PNPLA7: variants seen among roughly 807,000 people sequenced by gnomAD.
PNPLA7 encodes patatin-like phospholipase domain-containing protein 7.
In PNPLA7, 153 loss-of-function variants were observed where a neutral mutation model predicts 161.7. That is an observed-to-expected ratio of 0.95 (90% confidence interval 0.83 to 1.08). The LOEUF (loss-of-function observed/expected upper bound fraction) is 1.08. Ranked by LOEUF, PNPLA7 falls within the 50% of genes least tolerant of loss-of-function variation. The probability of loss-of-function intolerance (pLI) is 0.00; values close to 1 mark genes in which losing one functional copy is unlikely to be tolerated. For missense variants in PNPLA7, 1,739 were observed against 1,856.6 expected, an observed-to-expected ratio of 0.94 and a Z score of 1.16; for synonymous variants, 809 against 782.1, an observed-to-expected ratio of 1.03 and a Z score of -0.57.
At chr9:137,464,534 G>A in intron 26 of PNPLA7, 78 bp from the exon 27 acceptor site, 1 of 1,312,728 alleles carries the variant, frequency 7.6e-7, no homozygotes, top group Admixed American at 1.7e-5. Context: ...GCGTGCTGAG[G>A]GCCTCTCATG....
At chr9:137,485,938 T>G (rs1832458996) in intron 20 of PNPLA7, among the ~76,000 whole-genome samples, 1 of 151,900 alleles carries the variant, frequency 6.6e-6, no homozygotes, top group Admixed American at 6.6e-5. Context: ...GTCTGGCGAG[T>G]GGCATCTCTG....
At chr9:137,485,722 G>T (rs1832447102) in intron 20 of PNPLA7, among the ~76,000 whole-genome samples, 1 of 152,234 alleles carries the variant, frequency 6.6e-6, no homozygotes, top group Non-Finnish European at 1.5e-5. Context: ...CGCGAGTGAG[G>T]GTGTCAAGGC....
chr9:137,543,590 A>G lies in PNPLA7; in HGVS notation c.366-18T>C, dbSNP rs777660592. 3 of 1,608,658 alleles carry G rather than the reference A, an allele frequency of 1.9e-6. No individual in the cohort carries two copies. The African/African-American group carries it at 4.0e-5, about 21-fold the overall frequency. On this transcript the variant is annotated intron_variant, in intron 5 of 34. Coordinates refer to ENST00000406427, the MANE Select transcript of PNPLA7 (RefSeq NM_001098537.3). The surrounding 1 kb of genome is among the most constrained non-coding windows in gnomAD (Gnocchi z 6.9). The stretch of plus-strand genomic sequence containing the variant: ...GCAGAATCCTACAAGGCAGAGACAC[A>G]CTAGCCTTGAGCAGACCAGGCGGGT...
intron 12 of PNPLA7, among the ~76,000 whole-genome samples, chr9:137,513,996 C>T (rs943129749): frequency 1.1e-4 from 16 of 152,246 alleles, no homozygotes; most frequent in African/African-American, 3.1e-4. Context: ...GGCTGCACTG[C>T]CGGGCAGGAT....
intron 30 of PNPLA7, 106 bp from the exon 31 acceptor site, chr9:137,462,437 A>G: frequency 5.3e-6 from 8 of 1,497,780 alleles, no homozygotes; most frequent in Non-Finnish European, 7.1e-6. Context: ...TGGGGTAGGT[A>G]GGTTCTGGGG....
intron 8 of PNPLA7, among the ~76,000 whole-genome samples, chr9:137,534,835 C>T (rs1277464808): frequency 6.6e-6 from 1 of 152,154 alleles, no homozygotes; most frequent in African/African-American, 2.4e-5. Flanking sequence ...ACCTAAACCC[C>T]TAACAGGCAA....
At chr9:137,504,210 A>G (rs1047674807) in intron 14 of PNPLA7, among the ~76,000 whole-genome samples, 1 of 149,694 alleles carries the variant, frequency 6.7e-6, no homozygotes, top group African/African-American at 2.5e-5. Context: ...AGAAGAAGAG[A>G]GATTTTTTTT....
intron 14 of PNPLA7, among the ~76,000 whole-genome samples, chr9:137,504,720 TAGAG>T (rs1833819335): frequency 6.6e-6 from 1 of 152,018 alleles, no homozygotes; most frequent in African/African-American, 2.4e-5. Context: ...CCTTAACCGT[TAGAG>T]AGGAATGATG....
chr9:137,504,158 AGAAGAAGACG>A (rs1833782136), intron 14 of PNPLA7, among the ~76,000 whole-genome samples: 1 of 148,172 alleles, frequency 6.7e-6, no homozygotes, highest in Non-Finnish European at 1.5e-5. Context: ...GAAGAAGAAG[AGAAGAAGACG>A]GAAGAAGAAG....
Position 137,524,209 on chromosome 9 carries a change from A to T in PNPLA7, c.748-1352T>A, listed in dbSNP as rs7866336. 3.9e-3 allele frequency among the ~76,000 whole-genome samples: 588 copies of T among 152,308 alleles called. 2 individuals carry two copies. The highest frequency in any genetic ancestry group is 0.014 in the African/African-American group (568 of 41,568). ...ACATAAATGGAGGCACAGAGTGTGG[A>T]GGCTTCCCTCAGCGGTGTGACACAC... On this transcript the variant is annotated intron_variant, in intron 8 of 34. Transcript: ENST00000406427. This position sits in a 1 kb window ranked among gnomAD's most constrained non-coding sequence, Gnocchi z 4.4.
At chr9:137,518,791 C>A (rs1834809912) in intron 11 of PNPLA7, among the ~76,000 whole-genome samples, 1 of 71,202 alleles carries the variant, frequency 1.4e-5, no homozygotes, top group Non-Finnish European at 2.7e-5. Context: ...CCCCCACTCA[C>A]TCACTCCACT....
chr9:137,542,557 A>G, intron 7 of PNPLA7, 85 bp downstream of exon 7: 5 of 1,379,698 alleles, frequency 3.6e-6, no homozygotes, highest in Non-Finnish European at 4.8e-6. Context: ...TAGCTTTTCA[A>G]TGAGAAACGT....
chr9:137,533,479 ACAC>A (rs1835698332), intron 8 of PNPLA7, among the ~76,000 whole-genome samples: 1 of 120,826 alleles, frequency 8.3e-6, no homozygotes, highest in Admixed American at 8.2e-5. Context: ...ACAACAGTGT[ACAC>A]TCCAGGCGGG....
intron 25 of PNPLA7, among the ~76,000 whole-genome samples, chr9:137,477,164 C>T (rs1170804959): frequency 1.3e-5 from 2 of 152,260 alleles, no homozygotes; most frequent in African/African-American, 4.8e-5. Flanking sequence ...CTGCCCCTTA[C>T]GCACCTGGCT....
chr9:137,517,036 CCCTG>C (rs1411018465), intron 11 of PNPLA7, among the ~76,000 whole-genome samples: 8 of 145,846 alleles, frequency 5.5e-5, no homozygotes, highest in African/African-American at 2.1e-4. Context: ...CCACTCCATC[CCCTG>C]TCACTCACTC....
At chr9:137,462,577 T>G (rs1319378360) in intron 30 of PNPLA7, 108 bp downstream of exon 30, 1 of 1,476,126 alleles carries the variant, frequency 6.8e-7, no homozygotes, top group African/African-American at 1.4e-5. Flanking sequence ...GCCCCAGACC[T>G]GCTGGCCTCA....
rs538704601 is a variant in PNPLA7, at chr9:137,520,136, T to C, written c.958-93A>G. 7.2e-6 allele frequency: 11 copies of C among 1,534,552 alleles called. No homozygotes were observed. Among genetic ancestry groups the C allele is most frequent in the African/African-American group, 2.8e-5 (2 of 72,186 alleles). On this transcript the variant is annotated intron_variant, in intron 10 of 34. Coordinates refer to ENST00000406427, the MANE Select transcript of PNPLA7 (RefSeq NM_001098537.3). The surrounding 1 kb of genome is among the most constrained non-coding windows in gnomAD (Gnocchi z 5.2). Reference sequence around the variant, plus strand: ...CCTCAAAGGTGTGACAGGTGTGGGCTCCTCAAAGGTGTGACAGGTGTGGGC... The same window carrying C: ...CCTCAAAGGTGTGACAGGTGTGGGCCCCTCAAAGGTGTGACAGGTGTGGGC...
chr9:137,492,398 G>A, intron 20 of PNPLA7: 1 of 662,486 alleles, frequency 1.5e-6, no homozygotes, highest in Non-Finnish European at 1.9e-6. Flanking sequence ...CTCCAGTGCT[G>A]CCCACATTGA....
At chr9:137,491,185 A>G (rs1433568068) in intron 20 of PNPLA7, among the ~76,000 whole-genome samples, 1 of 152,210 alleles carries the variant, frequency 6.6e-6, no homozygotes, top group East Asian at 1.9e-4. Flanking sequence ...ACTTGACCCC[A>G]GGAGTTAGAG....
Sources: allele counts gnomAD v4.1 joint callset (sites outside exome capture counted in the v4.1 genomes callset), GRCh38; gene constraint gnomAD v4.1.1; non-coding constraint Gnocchi (gnomAD v3.1); transcripts MANE v1.5; gene names NCBI Gene and HGNC (gene_info 2026-07-23, HGNC 2026-07-21).